The following WDR27 variants were observed in gnomAD, a reference collection of about 807,000 sequenced individuals.
The protein encoded by WDR27 is WD repeat-containing protein 27.
WDR27 carries 100 observed loss-of-function variants against 114.4 expected under a neutral mutation model. The observed-to-expected ratio is 0.87, with a 90% CI of 0.74 to 1.03. The LOEUF is 1.03. WDR27 is among the 50% of genes least tolerant of loss of function. WDR27 has a pLI of 0.00. For synonymous variants in WDR27, 449 were observed against 423.1 expected (o/e 1.06, Z -0.75); for missense variants, 1,129 against 1,092.9 (o/e 1.03, Z -0.47).
intron 25 of WDR27, among the ~76,000 whole-genome samples, chr6:169,510,002 T>C (rs1203813065): frequency 1.3e-5 from 2 of 152,290 alleles, no homozygotes; most frequent in African/African-American, 2.4e-5. Flanking sequence ...AAAGAAGACA[T>C]TTATGCAGCC....
rs1042873002 is a variant in WDR27 at position 169,659,697 on chromosome 6, C to T, written c.1130-179G>A. Among the ~76,000 whole-genome samples the T allele has an allele frequency of 6.6e-6, 1 of 152,034 alleles. No homozygotes were observed. The highest frequency in any genetic ancestry group is 2.4e-5 in the African/African-American group (1 of 41,384). On this transcript the variant is annotated intron_variant, in intron 10 of 25. Coordinates refer to ENST00000448612, the MANE Select transcript of WDR27 (RefSeq NM_182552.5). The surrounding 1 kb of genome is among the most constrained non-coding windows in gnomAD (Gnocchi z 4.3). ...CACACATACAAGGCCCCAGGCCACA[C>T]ACACACCAGCGCACACACCACACAC...
chr6:169,438,168 C>A, the WDR27 span, among the ~76,000 whole-genome samples: 1 of 151,686 alleles, frequency 6.6e-6, no homozygotes. Flanking sequence ...GAGATCGTGG[C>A]TTTTCTTGAT....
intron 6 of WDR27, chr6:169,666,576 C>T (rs1351630976): frequency 1.0e-6 from 1 of 985,412 alleles, no homozygotes; most frequent in African/African-American, 1.7e-5. Flanking sequence ...GCGTCACAGA[C>T]CGCTCCTTAT....
the WDR27 span, among the ~76,000 whole-genome samples, chr6:169,435,591 C>T: frequency 6.6e-6 from 1 of 152,228 alleles, no homozygotes; most frequent in Non-Finnish European, 1.5e-5. Context: ...GATTTGACTG[C>T]CCCACTGGAT....
At chr6:169,428,584 G>T in the WDR27 span, among the ~76,000 whole-genome samples, 1 of 151,384 alleles carries the variant, frequency 6.6e-6, no homozygotes, top group Non-Finnish European at 1.5e-5. Context: ...GCTGCTCTGT[G>T]GGGGTGGGAC....
chr6:169,660,746 CG>C lies in WDR27; in HGVS notation c.1045del (p.Arg349AspfsTer43), dbSNP rs1214507459. On this transcript the variant is annotated frameshift_variant, in exon 10 of 26. Coordinates refer to ENST00000448612, the MANE Select transcript of WDR27 (RefSeq NM_182552.5). LOFTEE classifies it high-confidence loss of function. ...ACGCLSSENTRCVWIGSSVGL... is the reference protein window; with the variant it reads ...ACGCLSSENTXCVWIGSSVGL... The stretch of plus-strand genomic sequence containing the variant: ...CACTGAGCTTCCGATCCACACACAT[CG>C]GGTGTTCTCAGAAGAAAGACTGATT... 2 of 1,613,704 alleles carry C rather than the reference CG, an allele frequency of 1.2e-6. No homozygotes were observed. The highest frequency in any genetic ancestry group is 4.5e-5 in the East Asian group (2 of 44,880).
chr6:169,678,155 T>C (rs1018780704), intron 2 of WDR27, among the ~76,000 whole-genome samples: 3 of 152,216 alleles, frequency 2.0e-5, no homozygotes, highest in African/African-American at 4.8e-5. Flanking sequence ...ATGGCAGATA[T>C]TCCAGCAGCT....
chr6:169,645,008 C>CAAAAAAAA (rs1194294838), intron 16 of WDR27, among the ~76,000 whole-genome samples: 4 of 8,184 alleles, frequency 4.9e-4, no homozygotes, highest in Admixed American at 1.8e-3. Flanking sequence ...GACTCCGTCT[C>CAAAAAAAA]AAAAAAAAAA....
intron 25 of WDR27, among the ~76,000 whole-genome samples, chr6:169,510,108 G>A (rs1254271227): frequency 1.3e-5 from 2 of 152,104 alleles, no homozygotes; most frequent in South Asian, 2.1e-4. Flanking sequence ...TTAGAATGGC[G>A]ATCATTAAAA....
chr6:169,653,975 C>T (rs1256229602), intron 13 of WDR27, among the ~76,000 whole-genome samples: 1 of 152,250 alleles, frequency 6.6e-6, no homozygotes, highest in African/African-American at 2.4e-5. Context: ...AGGCCGGAAG[C>T]TGTGGATTTG....
At chr6:169,655,822 C>A (rs1824021502) in intron 13 of WDR27, among the ~76,000 whole-genome samples, 2 of 152,292 alleles carry the variant, frequency 1.3e-5, no homozygotes, top group Admixed American at 1.3e-4. Flanking sequence ...TGGGTTCAAG[C>A]GATTCTCCTG....
intron 25 of WDR27, among the ~76,000 whole-genome samples, chr6:169,514,144 G>T (rs1021881631): frequency 6.6e-6 from 1 of 151,870 alleles, no homozygotes; most frequent in Non-Finnish European, 1.5e-5. Flanking sequence ...CAAGACTATT[G>T]TAAGAATATA....
chr6:169,622,371 G>T (rs1294200602), intron 21 of WDR27, among the ~76,000 whole-genome samples: 1 of 152,058 alleles, frequency 6.6e-6, no homozygotes, highest in Non-Finnish European at 1.5e-5. Context: ...ACTGAAACCT[G>T]CCTCAGATGT....
intron 25 of WDR27, among the ~76,000 whole-genome samples, chr6:169,487,108 G>T (rs1789036588): frequency 6.6e-6 from 1 of 152,184 alleles, no homozygotes; most frequent in Admixed American, 6.5e-5. Context: ...GAAAGTTACG[G>T]AGTCTCACCC....
At chr6:169,642,660 C>A (rs1584831474) in intron 17 of WDR27, among the ~76,000 whole-genome samples, 1 of 152,150 alleles carries the variant, frequency 6.6e-6, no homozygotes, top group African/African-American at 2.4e-5. Flanking sequence ...TCTGCCTGCC[C>A]TTGGGGGCCT....
intron 16 of WDR27, 115 bp downstream of exon 16, chr6:169,647,658 C>T (rs1303450854): frequency 9.9e-7 from 1 of 1,006,402 alleles, no homozygotes; most frequent in Admixed American, 2.1e-5. Flanking sequence ...TTCAAGTAAC[C>T]AAGGTTTTTA....
At position 169,582,866 on chromosome 6, in the gene WDR27, A is replaced by AT. The variant is rs1209288933; in HGVS notation, c.2492_2493insA (p.Gly832TrpfsTer47). ...GCGCTGATGGGTTGAAGGCCACTCC[A>AT]GTGACAGTGTCTGTGTGCCCAGCCA... is the stretch of plus-strand genomic sequence containing the variant. On this transcript the variant is annotated frameshift_variant, in exon 24 of 26. Coordinates refer to ENST00000448612, the MANE Select transcript of WDR27 (RefSeq NM_182552.5). LOFTEE classifies it high-confidence loss of function. The AT allele has an allele frequency of 6.2e-7, 1 of 1,613,944 alleles. No homozygotes were observed. Among genetic ancestry groups the AT allele is most frequent in the East Asian group, 2.2e-5 (1 of 44,868 alleles).
chr6:169,470,929 T>C (rs188140055), intron 25 of WDR27, among the ~76,000 whole-genome samples: 1 of 152,248 alleles, frequency 6.6e-6, no homozygotes, highest in Admixed American at 6.5e-5. Flanking sequence ...AATCAGCCTC[T>C]GAACTCAGAC....
intron 25 of WDR27, among the ~76,000 whole-genome samples, chr6:169,531,662 T>G (rs1224198993): frequency 1.3e-5 from 2 of 151,954 alleles, no homozygotes; most frequent in Non-Finnish European, 1.5e-5. Flanking sequence ...TTTGTTTTTT[T>G]TTTTTTTTTG....
Sources: gnomAD v4.1 joint callset for allele counts (sites outside exome capture counted in the v4.1 genomes callset) on GRCh38, gnomAD v4.1.1 for gene constraint, Gnocchi (gnomAD v3.1) non-coding constraint, MANE v1.5 for transcripts, NCBI Gene and HGNC (gene_info 2026-07-23, HGNC 2026-07-21) for gene names.